FOXJ3: variants seen among roughly 807,000 people sequenced by gnomAD.
The protein encoded by FOXJ3 is forkhead box J3.
Under a neutral mutation model 76.1 loss-of-function variants are expected in FOXJ3, and 22 were observed. That is an observed-to-expected ratio of 0.29 (90% CI 0.21 to 0.41). The LOEUF is 0.41. Ranked by LOEUF, FOXJ3 falls within the 10% of genes least tolerant of loss-of-function variation. The pLI is 1.00. For synonymous variants in FOXJ3, 269 were observed against 261.2 expected, an observed-to-expected ratio of 1.03 and a Z score of -0.29; for missense variants, 613 against 762.1, an observed-to-expected ratio of 0.80 and a Z score of 2.30.
At chr1:42,330,461 A>T (rs1429443814) in intron 1 of FOXJ3, among the ~76,000 whole-genome samples, 1 of 152,024 alleles carries the variant, frequency 6.6e-6, no homozygotes, top group African/African-American at 2.4e-5. Flanking sequence ...AACATAGCGA[A>T]ACCACTTCTC....
chr1:42,291,075 T>TAGACAGAC (rs202052653), intron 2 of FOXJ3, among the ~76,000 whole-genome samples: 3,700 of 117,514 alleles, frequency 0.031, 74 homozygotes, highest in East Asian at 0.043. Flanking sequence ...GATAGATAGA[T>TAGACAGAC]AGATAGATAG....
intron 4 of FOXJ3, among the ~76,000 whole-genome samples, chr1:42,244,641 C>T (rs1649399337): frequency 7.7e-6 from 1 of 129,354 alleles, no homozygotes; most frequent in African/African-American, 2.5e-5. Flanking sequence ...ACACTGACAG[C>T]CACACTAATC....
chr1:42,205,352 T>G (rs567199813), intron 6 of FOXJ3, among the ~76,000 whole-genome samples: 2 of 152,198 alleles, frequency 1.3e-5, no homozygotes, highest in Non-Finnish European at 2.9e-5. Flanking sequence ...CCCAGTGAAC[T>G]CTATGAGGCT....
At chr1:42,286,854 G>A (rs1309164581) in intron 2 of FOXJ3, among the ~76,000 whole-genome samples, 2 of 151,750 alleles carry the variant, frequency 1.3e-5, no homozygotes, top group East Asian at 2.0e-4. Context: ...GGCTGGTGTC[G>A]AACTCCTGAC....
chr1:42,225,301 A>AT (rs1166177951), intron 5 of FOXJ3, among the ~76,000 whole-genome samples: 1 of 152,206 alleles, frequency 6.6e-6, no homozygotes, highest in Non-Finnish European at 1.5e-5. Context: ...TCTGAAGGTC[A>AT]TGTTCAGGAC....
intron 5 of FOXJ3, among the ~76,000 whole-genome samples, chr1:42,218,812 A>G (rs1193619975): frequency 6.6e-6 from 1 of 152,064 alleles, no homozygotes; most frequent in Non-Finnish European, 1.5e-5. Context: ...TTACTTCTCA[A>G]ATGTGAAGTC....
chr1:42,259,547 G>A (rs77205967), intron 4 of FOXJ3, among the ~76,000 whole-genome samples: 1,670 of 152,276 alleles, frequency 0.011, 16 homozygotes, highest in Non-Finnish European at 0.016. Flanking sequence ...CAGTATTAAC[G>A]TCAGGGCTCT....
intron 1 of FOXJ3, among the ~76,000 whole-genome samples, chr1:42,327,219 A>G (rs989848604): frequency 1.3e-5 from 2 of 152,234 alleles, no homozygotes; most frequent in Non-Finnish European, 2.9e-5. Context: ...CCACGTATAC[A>G]CAGTGGGACA....
At chr1:42,186,757 T>G in intron 11 of FOXJ3, among the ~76,000 whole-genome samples, 1 of 152,138 alleles carries the variant, frequency 6.6e-6, no homozygotes, top group East Asian at 1.9e-4. Context: ...AAGGTACACA[T>G]AGACCTTTCT....
intron 5 of FOXJ3, among the ~76,000 whole-genome samples, chr1:42,225,785 A>G (rs1647509233): frequency 6.6e-6 from 1 of 152,154 alleles, no homozygotes; most frequent in African/African-American, 2.4e-5. Flanking sequence ...TCAATAACAC[A>G]TGTTTTTGTA....
intron 2 of FOXJ3, chr1:42,280,538 T>G (rs1652633241): frequency 1.9e-6 from 1 of 527,170 alleles, no homozygotes; most frequent in Non-Finnish European, 2.4e-6. Context: ...ACTTGTAGAA[T>G]AAGAAGATAG....
At chr1:42,267,653 G>C (rs1476173771) in intron 3 of FOXJ3, among the ~76,000 whole-genome samples, 1 of 151,204 alleles carries the variant, frequency 6.6e-6, no homozygotes, top group African/African-American at 2.4e-5. Context: ...TCAGGTGTTA[G>C]AACTATCAGA....
chr1:42,321,577 A>T (rs1361524539), intron 1 of FOXJ3, among the ~76,000 whole-genome samples: 1 of 152,210 alleles, frequency 6.6e-6, no homozygotes, highest in Non-Finnish European at 1.5e-5. Context: ...CTTCAAAAGT[A>T]CTTATTAAGC....
At chr1:42,324,106 ATATACACTGTATATACACAGTG>A (rs1655625721) in intron 1 of FOXJ3, among the ~76,000 whole-genome samples, 1 of 139,384 alleles carries the variant, frequency 7.2e-6, no homozygotes, top group South Asian at 2.2e-4. Flanking sequence ...TATACTGTGT[ATATACACTGTATATACACAGTG>A]TATATACAGT....
At position 42,254,302 on chromosome 1, in the gene FOXJ3, A is replaced by ATG. The variant is rs1283724696; in HGVS notation, c.444+10812_444+10813insCA. On this transcript the variant is annotated intron_variant, in intron 4 of 12. Transcript: ENST00000361346. ...ACCAGTTAGAATGGCAATCATTAAA[A>ATG]AGTCAGGAAACAACAGGTGCTGGAG... Among the ~76,000 whole-genome samples, 51 of 148,234 alleles carry ATG rather than the reference A, an allele frequency of 3.4e-4. 1 individual carries two copies. In the East Asian group the frequency reaches 0.01, roughly 30 times the overall value.
At chr1:42,224,395 T>C (rs1339830130) in intron 5 of FOXJ3, among the ~76,000 whole-genome samples, 2 of 75,170 alleles carry the variant, frequency 2.7e-5, no homozygotes, top group Non-Finnish European at 6.7e-5. Flanking sequence ...CTTATGCTCA[T>C]GTAAATGGAG....
intron 2 of FOXJ3, among the ~76,000 whole-genome samples, 195 bp downstream of exon 2, chr1:42,310,855 T>A (rs527951799): frequency 6.6e-6 from 1 of 152,296 alleles, no homozygotes; most frequent in East Asian, 1.9e-4. Flanking sequence ...ATTAAAAGCA[T>A]ATCCAAATCC....
rs542318644 is a variant in FOXJ3 at position 42,330,533 on chromosome 1, G to T, written c.-18+4526C>A. On this transcript the variant is annotated intron_variant, in intron 1 of 12. Transcript: ENST00000361346. ...CGCACCTGTAGTCCCAGCTACTTAG[G>T]GGGCTGAGGTGGGAGGATCACTGGG... Among the ~76,000 whole-genome samples, 8 of 152,246 alleles carry T rather than the reference G, an allele frequency of 5.3e-5. No individual in the cohort carries two copies. In the East Asian group the frequency reaches 1.4e-3, roughly 26 times the overall value.
At chr1:42,247,334 T>TA (rs1462883415) in intron 4 of FOXJ3, among the ~76,000 whole-genome samples, 1 of 151,888 alleles carries the variant, frequency 6.6e-6, no homozygotes, top group African/African-American at 2.4e-5. Flanking sequence ...TTTAAGAAGG[T>TA]AAAAAAATAC....
Sources: gnomAD v4.1 joint callset for allele counts (sites outside exome capture counted in the v4.1 genomes callset) on GRCh38, gnomAD v4.1.1 for gene constraint, MANE v1.5 for transcripts, NCBI Gene and HGNC (gene_info 2026-07-23, HGNC 2026-07-21) for gene names.